The following DMAC1 variants were observed in gnomAD, a reference collection of about 807,000 sequenced individuals.
DMAC1 encodes distal membrane-arm assembly complex protein 1.
In DMAC1, 10 loss-of-function variants were observed where a neutral mutation model predicts 7.0. The observed-to-expected ratio is 1.43, with a 90% CI of 0.88 to 2.43. The LOEUF (loss-of-function observed/expected upper bound fraction) is 2.43. Among genes scored for constraint, DMAC1 ranks in the 30% most tolerant of loss-of-function variants. The probability of loss-of-function intolerance (pLI) is 0.00; values close to 1 mark genes in which losing one functional copy is unlikely to be tolerated. For missense variants in DMAC1, 219 were observed against 158.7 expected (o/e 1.38, Z -2.04); for synonymous variants, 92 against 66.2 (o/e 1.39, Z -1.90).
chr9:7,798,515 G>GCT lies in DMAC1; in HGVS notation c.*56_*57dup, dbSNP rs762542826. The GCT allele has an allele frequency of 4.4e-5, 69 of 1,578,918 alleles. No individual in the cohort carries two copies. The South Asian group carries it at 6.7e-4, about 15-fold the overall frequency. ...AGAACACCCATTAAATTCCATGCCT[G>GCT]CTGTGTGTGTCACGGGGAAAGGGAC... On this transcript the variant is annotated 3_prime_UTR_variant, in exon 2 of 2. Transcript: ENST00000358227.
At chr9:7,799,408 T>A in intron 1 of DMAC1, 53 bp downstream of exon 1, 1 of 1,590,914 alleles carries the variant, frequency 6.3e-7, no homozygotes, top group Non-Finnish European at 8.6e-7. Flanking sequence ...TCCGTTTCCT[T>A]CCTCTACCCC....
In DMAC1 at chr9:7,798,654, A is replaced by T. The variant is rs1158667218; in HGVS notation, c.275-17T>A. ...TGGCAATGCCTAGAAAAAAAACAAC[A>T]ATACCTTACCTTTATGCTGCATTTA... On this transcript the variant is annotated splice_polypyrimidine_tract_variant and intron_variant, in intron 1 of 1. Coordinates refer to ENST00000358227, the MANE Select transcript of DMAC1 (RefSeq NM_033428.3). 7.8e-6 allele frequency: 12 copies of T among 1,546,870 alleles called. No homozygotes were observed. Among genetic ancestry groups the T allele is most frequent in the Non-Finnish European group, 9.6e-6 (11 of 1,141,754 alleles).
rs1818658485 is a variant in DMAC1 at position 7,798,394 on chromosome 9, A to C, written c.*179T>G. The stretch of plus-strand genomic sequence containing the variant: ...TTCCTGTGAAATCTGTGAAGGCCAC[A>C]AACACTCCATAGCCAGAGAATGACA... On this transcript the variant is annotated 3_prime_UTR_variant, in exon 2 of 2. Coordinates refer to ENST00000358227, the MANE Select transcript of DMAC1 (RefSeq NM_033428.3). 1 of 681,656 alleles carries C rather than the reference A, an allele frequency of 1.5e-6. No homozygotes were observed. The highest frequency in any genetic ancestry group is 2.6e-6 in the Non-Finnish European group (1 of 381,702). 42.2% of individuals were successfully genotyped at this position (681,656 alleles called of 1,614,324 possible). A position where few individuals can be genotyped will look rare whatever the true frequency, so the allele number is the denominator to read the frequency against.
Position 7,797,769 on chromosome 9 carries a change from TTTATGA to T in DMAC1, c.*798_*803del. On this transcript the variant is annotated 3_prime_UTR_variant, in exon 2 of 2. Transcript: ENST00000358227. ...TTAAGTCTTTTATTGTATGCTGATT[TTTATGA>T]TTATCTAACTGTTTCATAATGGTTA... The T allele has an allele frequency of 6.6e-6, 1 of 152,200 alleles. No individual in the cohort carries two copies. Among genetic ancestry groups the T allele is most frequent in the East Asian group, 1.9e-4 (1 of 5,196 alleles). The allele number at this position is 152,200 out of a possible 1,614,324, so 9.4% of individuals were successfully genotyped here.
At chr9:7,798,706 C>G in intron 1 of DMAC1, 69 bp from the exon 2 acceptor site, 1 of 1,324,480 alleles carries the variant, frequency 7.6e-7, no homozygotes, top group Non-Finnish European at 1.0e-6. Flanking sequence ...CACATATACG[C>G]CATCTTATTT....
chr9:7,799,556 C>G lies in DMAC1; in HGVS notation c.179G>C (p.Gly60Ala). ...CACCCAGTACACGTACCCGCCCGCC[C>G]CCATCAGCCCCAACCCAGAAAGCAC... ...CRVLSGLGLMGAGGYVYWVAR... is the reference protein window; with the variant it reads ...CRVLSGLGLMAAGGYVYWVAR... The change falls in exon 1 of 2, where the codon GGG becomes GCG. Residue 60 changes from glycine (G) to alanine (A), a missense_variant. Gly to Ala is a moderately conservative substitution (Grantham distance 60, BLOSUM62 0). Coordinates refer to ENST00000358227, the MANE Select transcript of DMAC1 (RefSeq NM_033428.3). The G allele has an allele frequency of 1.9e-6, 3 of 1,613,912 alleles. No individual in the cohort carries two copies. Among genetic ancestry groups the G allele is most frequent in the Non-Finnish European group, 2.5e-6 (3 of 1,180,028 alleles).
intron 1 of DMAC1, among the ~76,000 whole-genome samples, chr9:7,798,957 G>A: frequency 6.6e-6 from 1 of 152,108 alleles, no homozygotes; most frequent in South Asian, 2.1e-4. Flanking sequence ...ACAGAACGGG[G>A]CTGTGGGCCA....
At position 7,799,754 on chromosome 9, in the gene DMAC1, A is replaced by C; in HGVS notation, c.-20T>G. The C allele has an allele frequency of 6.7e-7, 1 of 1,502,098 alleles. No individual in the cohort carries two copies. The highest frequency in any genetic ancestry group is 1.9e-4 in the Middle Eastern group (1 of 5,130). The allele number at this position is 1,502,098 out of a possible 1,614,324, so 93.0% of individuals were successfully genotyped here. ...CCCCATGCTCTGGAACTCGGCCTCA[A>C]CCTTGGGCGTCTTTGGTTCAAACTG... On this transcript the variant is annotated 5_prime_UTR_variant, in exon 1 of 2. Transcript: ENST00000358227.
rs1445462159 is a variant in DMAC1 at position 7,797,563 on chromosome 9, A to G, written c.*1010T>C. On this transcript the variant is annotated 3_prime_UTR_variant, in exon 2 of 2. Coordinates refer to ENST00000358227, the MANE Select transcript of DMAC1 (RefSeq NM_033428.3). ...CTTTATATACCTTTACAAAGAAGCCATAGTATCTCAGGGTAGAAAAACCCA... is the reference window on the plus strand; with the variant it reads ...CTTTATATACCTTTACAAAGAAGCCGTAGTATCTCAGGGTAGAAAAACCCA... 1 of 152,244 alleles carries G rather than the reference A, an allele frequency of 6.6e-6. No individual in the cohort carries two copies. Among genetic ancestry groups the G allele is most frequent in the East Asian group, 1.9e-4 (1 of 5,202 alleles). The allele number at this position is 152,244 out of a possible 1,614,324, so 9.4% of individuals were successfully genotyped here.
At position 7,799,504 on chromosome 9, in the gene DMAC1, G is replaced by A. The variant is rs754677985; in HGVS notation, c.231C>T (p.Tyr77=). 19 of 1,613,382 alleles carry A rather than the reference G, an allele frequency of 1.2e-5. No homozygotes were observed. Among genetic ancestry groups the A allele is most frequent in the Admixed American group, 8.3e-5 (5 of 60,016 alleles). Residue 77 remains tyrosine, a synonymous_variant, in exon 1 of 2, where the codon TAC becomes TAT. Transcript: ENST00000358227. ...WVARKPMKMG[Y]PPSPWTITQM... ...GCGTAATGGTCCATGGACTCGGGGGGTATCCCATCTTCATGGGCTTCCGTG... is the reference window on the plus strand; with the variant it reads ...GCGTAATGGTCCATGGACTCGGGGGATATCCCATCTTCATGGGCTTCCGTG...
At position 7,799,608 on chromosome 9, in the gene DMAC1, G is replaced by C; in HGVS notation, c.127C>G (p.Leu43Val). Residue 43 changes from leucine (L) to valine (V), a missense_variant, in exon 1 of 2, where the codon CTG becomes GTG. Leu to Val is a conservative substitution (Grantham distance 32). Transcript: ENST00000358227. ...GAPTSPAEHR[L>V]LKTCWSCRVL... ...CGACAGCTCCAGCAGGTCTTCAACA[G>C]GCGGTGTTCTGCTGGGGAGGTCGGC... is the stretch of plus-strand genomic sequence containing the variant. The C allele has an allele frequency of 6.2e-7, 1 of 1,613,548 alleles. No homozygotes were observed. The highest frequency in any genetic ancestry group is 8.5e-7 in the Non-Finnish European group (1 of 1,179,934).
rs1385403489 is a variant in DMAC1, at chr9:7,797,140, A to G, written c.*1433T>C. On this transcript the variant is annotated 3_prime_UTR_variant, in exon 2 of 2. Coordinates refer to ENST00000358227, the MANE Select transcript of DMAC1 (RefSeq NM_033428.3). The stretch of plus-strand genomic sequence containing the variant: ...GAACAGACTGCCTTTTAAACCAGGG[A>G]ACAACTTGTCTTTGTAGGTATTTTA... The G allele has an allele frequency of 6.6e-6, 1 of 152,226 alleles. No homozygotes were observed. The highest frequency in any genetic ancestry group is 1.5e-5 in the Non-Finnish European group (1 of 68,038). 9.4% of individuals were successfully genotyped at this position (152,226 alleles called of 1,614,324 possible). A position where few individuals can be genotyped will look rare whatever the true frequency, so the allele number is the denominator to read the frequency against.
In DMAC1 at chr9:7,797,139, G is replaced by A. The variant is rs1159930151; in HGVS notation, c.*1434C>T. 3 of 152,198 alleles carry A rather than the reference G, an allele frequency of 2.0e-5. No individual in the cohort carries two copies. The highest frequency in any genetic ancestry group is 1.9e-4 in the East Asian group (1 of 5,204). The allele number at this position is 152,198 out of a possible 1,614,324, so 9.4% of individuals were successfully genotyped here. A position where few individuals can be genotyped will look rare whatever the true frequency, so the allele number is the denominator to read the frequency against. ...AGAACAGACTGCCTTTTAAACCAGG[G>A]AACAACTTGTCTTTGTAGGTATTTT... On this transcript the variant is annotated 3_prime_UTR_variant, in exon 2 of 2. Coordinates refer to ENST00000358227, the MANE Select transcript of DMAC1 (RefSeq NM_033428.3).
rs1586896564 is a variant in DMAC1, at chr9:7,797,172, T to C, written c.*1401A>G. 4 of 152,254 alleles carry C rather than the reference T, an allele frequency of 2.6e-5. No individual in the cohort carries two copies. In the East Asian group the frequency reaches 5.8e-4, roughly 22 times the overall value. The allele number at this position is 152,254 out of a possible 1,614,324, so 9.4% of individuals were successfully genotyped here. ...TGTCTTTGTAGGTATTTTAGGTATA[T>C]GAATGACCATATGTATCTGCTTTGG... On this transcript the variant is annotated 3_prime_UTR_variant, in exon 2 of 2. Coordinates refer to ENST00000358227, the MANE Select transcript of DMAC1 (RefSeq NM_033428.3).
Position 7,798,620 on chromosome 9 carries a change from T to TGCC in DMAC1, c.291_292insGGC (p.Gly97dup). ...CCTTTGGGGTCTGCCATGACAACGA[T>TGCC]ACCCCAGGTGGCAATGCCTAGAAAA... On this transcript the variant is annotated inframe_insertion, in exon 2 of 2. Transcript: ENST00000358227. 6.3e-7 allele frequency: 1 copy of TGCC among 1,591,298 alleles called. No individual in the cohort carries two copies. Among genetic ancestry groups the TGCC allele is most frequent in the Middle Eastern group, 1.7e-4 (1 of 5,974 alleles).
chr9:7,796,511 C>T lies in DMAC1; in HGVS notation c.*2062G>A, dbSNP rs2129790771. Reference sequence around the variant, plus strand: ...ACACTTTGGCATTATTAATGGTGAGCAGGCAGGTTTATTCAGAAAAAGCTC... The same window carrying T: ...ACACTTTGGCATTATTAATGGTGAGTAGGCAGGTTTATTCAGAAAAAGCTC... On this transcript the variant is annotated 3_prime_UTR_variant, in exon 2 of 2. Coordinates refer to ENST00000358227, the MANE Select transcript of DMAC1 (RefSeq NM_033428.3). 6.6e-6 allele frequency: 1 copy of T among 152,266 alleles called. No homozygotes were observed. Among genetic ancestry groups the T allele is most frequent in the East Asian group, 1.9e-4 (1 of 5,184 alleles). The allele number at this position is 152,266 out of a possible 1,614,324, so 9.4% of individuals were successfully genotyped here.
intron 1 of DMAC1, 149 bp downstream of exon 1, chr9:7,799,312 C>T (rs1397653863): frequency 4.9e-6 from 5 of 1,017,528 alleles, no homozygotes; most frequent in African/African-American, 1.6e-5. Flanking sequence ...GTTCCAACAA[C>T]TTCCTCTCCC....
At position 7,797,485 on chromosome 9, in the gene DMAC1, A is replaced by C. The variant is rs1189509479; in HGVS notation, c.*1088T>G. Reference sequence around the variant, plus strand: ...CTGCTCAACATGTCATTCCAAACAAATACACTATGATTAGCAGCTGAATTT... The same window carrying C: ...CTGCTCAACATGTCATTCCAAACAACTACACTATGATTAGCAGCTGAATTT... On this transcript the variant is annotated 3_prime_UTR_variant, in exon 2 of 2. Transcript: ENST00000358227. The C allele has an allele frequency of 6.6e-6, 1 of 152,216 alleles. No homozygotes were observed. Among genetic ancestry groups the C allele is most frequent in the Non-Finnish European group, 1.5e-5 (1 of 68,040 alleles). The allele number at this position is 152,216 out of a possible 1,614,324, so 9.4% of individuals were successfully genotyped here.
At position 7,797,402 on chromosome 9, in the gene DMAC1, A is replaced by C. The variant is rs1586896733; in HGVS notation, c.*1171T>G. 1 of 152,364 alleles carries C rather than the reference A, an allele frequency of 6.6e-6. No individual in the cohort carries two copies. Among genetic ancestry groups the C allele is most frequent in the East Asian group, 1.9e-4 (1 of 5,188 alleles). 9.4% of individuals were successfully genotyped at this position (152,364 alleles called of 1,614,324 possible). On this transcript the variant is annotated 3_prime_UTR_variant, in exon 2 of 2. Transcript: ENST00000358227. The stretch of plus-strand genomic sequence containing the variant: ...GATTCTAAAGTCATCTGTGAGGCTA[A>C]ATAGACTTAGGCACTTCCACATAAT...
Sources: allele counts gnomAD v4.1 joint callset (sites outside exome capture counted in the v4.1 genomes callset), GRCh38; gene constraint gnomAD v4.1.1; transcripts MANE v1.5; gene names NCBI Gene and HGNC (gene_info 2026-07-23, HGNC 2026-07-21).